Variants in RSU1 observed in about 807,000 individuals in gnomAD.
RSU1 encodes the protein rsu-1.
RSU1 carries 26 observed loss-of-function variants against 31.1 expected under a neutral mutation model. That is an observed-to-expected ratio of 0.84 (90% CI 0.61 to 1.16). The LOEUF (loss-of-function observed/expected upper bound fraction) is 1.16, where lower values mean the gene tolerates loss of function less well. Among genes scored for constraint, RSU1 ranks in the 50% most tolerant of loss-of-function variants. RSU1 has a pLI of 0.00. For synonymous variants in RSU1, 164 were observed against 136.3 expected, an observed-to-expected ratio of 1.20 and a Z score of -1.41; for missense variants, 320 against 339.1, an observed-to-expected ratio of 0.94 and a Z score of 0.44.
At chr10:16,597,237 A>C (rs1833631786) in intron 8 of RSU1, among the ~76,000 whole-genome samples, 1 of 152,184 alleles carries the variant, frequency 6.6e-6, no homozygotes, top group South Asian at 2.1e-4. Flanking sequence ...GGCCCTGACG[A>C]TGGGGATCCA....
chr10:16,787,624 C>T (rs563299158), intron 2 of RSU1, among the ~76,000 whole-genome samples: 16 of 152,238 alleles, frequency 1.1e-4, no homozygotes, highest in Middle Eastern at 3.4e-3. Context: ...CCATACTGTT[C>T]GTGTGACAGT....
chr10:16,617,167 C>T (rs1040897652), intron 8 of RSU1, among the ~76,000 whole-genome samples: 6 of 152,228 alleles, frequency 3.9e-5, no homozygotes, highest in Admixed American at 6.5e-5. Flanking sequence ...GTGCAAAAAT[C>T]ACAAGCATTC....
At chr10:16,627,817 C>T (rs1007728695) in intron 8 of RSU1, among the ~76,000 whole-genome samples, 22 of 151,444 alleles carry the variant, frequency 1.5e-4, no homozygotes, top group African/African-American at 5.3e-4. Flanking sequence ...CTGCGGAGTC[C>T]AGCACATATA....
intron 7 of RSU1, among the ~76,000 whole-genome samples, chr10:16,738,122 G>A (rs1353830305): frequency 6.6e-6 from 1 of 152,116 alleles, no homozygotes; most frequent in Non-Finnish European, 1.5e-5. Flanking sequence ...TAAAACAACG[G>A]AGAAAAACTT....
intron 2 of RSU1, among the ~76,000 whole-genome samples, chr10:16,802,790 G>A (rs997955699): frequency 2.6e-5 from 4 of 152,068 alleles, no homozygotes; most frequent in Non-Finnish European, 5.9e-5. Context: ...AAATCCATAC[G>A]ATTATATGCA....
chr10:16,802,982 C>T (rs1369151180), intron 2 of RSU1, among the ~76,000 whole-genome samples: 1 of 152,152 alleles, frequency 6.6e-6, no homozygotes, highest in African/African-American at 2.4e-5. Flanking sequence ...GCAAGGATGT[C>T]CCCTCTCACC....
intron 7 of RSU1, among the ~76,000 whole-genome samples, chr10:16,729,096 C>T (rs1836453117): frequency 6.6e-6 from 1 of 152,230 alleles, no homozygotes; most frequent in East Asian, 1.9e-4. Flanking sequence ...GCACTTTCAG[C>T]TACTCTGCAA....
At chr10:16,752,836 T>C in intron 6 of RSU1, 82 bp downstream of exon 6, 1 of 1,288,174 alleles carries the variant, frequency 7.8e-7, no homozygotes, top group South Asian at 1.2e-5. Context: ...CAAACCTTAC[T>C]CCTGCTCAAA....
chr10:16,622,266 G>A (rs1018878695), intron 8 of RSU1, among the ~76,000 whole-genome samples: 70 of 152,178 alleles, frequency 4.6e-4, no homozygotes, highest in African/African-American at 1.6e-3. Context: ...GATGACGTGA[G>A]GTCAACAAAC....
intron 2 of RSU1, among the ~76,000 whole-genome samples, chr10:16,811,097 T>C (rs1251117006): frequency 6.6e-6 from 1 of 152,136 alleles, no homozygotes; most frequent in Non-Finnish European, 1.5e-5. Flanking sequence ...ATATTTTTAC[T>C]GTATGTTTTT....
intron 8 of RSU1, among the ~76,000 whole-genome samples, chr10:16,677,991 A>G (rs2131545466): frequency 6.6e-6 from 1 of 152,250 alleles, no homozygotes; most frequent in Admixed American, 6.5e-5. Context: ...TAAGGAGAAA[A>G]GAAACAAAAA....
At chr10:16,694,323 G>A (rs1268046775) in intron 8 of RSU1, among the ~76,000 whole-genome samples, 5 of 152,022 alleles carry the variant, frequency 3.3e-5, no homozygotes, top group Admixed American at 2.0e-4. Context: ...ATAGAATGAC[G>A]CATTGCTAGT....
At chr10:16,721,062 C>T (rs1836251820) in intron 7 of RSU1, among the ~76,000 whole-genome samples, 1 of 152,144 alleles carries the variant, frequency 6.6e-6, no homozygotes. Context: ...AGTACATTTT[C>T]ATTCACAAAC....
At chr10:16,722,926 AT>A (rs1836304837) in intron 7 of RSU1, among the ~76,000 whole-genome samples, 1 of 150,074 alleles carries the variant, frequency 6.7e-6, no homozygotes, top group African/African-American at 2.4e-5. Context: ...ATATGTATAT[AT>A]ACACACATAT....
At chr10:16,719,660 G>A (rs1365009469) in intron 7 of RSU1, among the ~76,000 whole-genome samples, 3 of 152,156 alleles carry the variant, frequency 2.0e-5, no homozygotes, top group African/African-American at 7.2e-5. Flanking sequence ...TTTTCCAACT[G>A]CACTGTAAGC....
chr10:16,794,387 T>C (rs1837983778), intron 2 of RSU1, among the ~76,000 whole-genome samples: 1 of 152,234 alleles, frequency 6.6e-6, no homozygotes, highest in Non-Finnish European at 1.5e-5. Context: ...TTAGGGTTAA[T>C]AAAACCTTCA....
At chr10:16,761,124 G>C (rs1244665133) in intron 4 of RSU1, among the ~76,000 whole-genome samples, 5 of 152,044 alleles carry the variant, frequency 3.3e-5, no homozygotes, top group Non-Finnish European at 5.9e-5. Context: ...TGTATATTTA[G>C]TAGAGACAAG....
intron 8 of RSU1, among the ~76,000 whole-genome samples, chr10:16,653,467 C>T (rs2131517261): frequency 6.6e-6 from 1 of 152,096 alleles, no homozygotes; most frequent in East Asian, 1.9e-4. Context: ...CCTCCTCGCC[C>T]ACACAGGATG....
chr10:16,625,770 T>C (rs921368097), intron 8 of RSU1, among the ~76,000 whole-genome samples: 1 of 152,228 alleles, frequency 6.6e-6, no homozygotes, highest in Non-Finnish European at 1.5e-5. Flanking sequence ...ACCCATCCTC[T>C]TGAGGGCCCA....
Sources: gnomAD v4.1 joint callset for allele counts (sites outside exome capture counted in the v4.1 genomes callset) on GRCh38, gnomAD v4.1.1 for gene constraint, MANE v1.5 for transcripts, NCBI Gene and HGNC (gene_info 2026-07-23, HGNC 2026-07-21) for gene names.